Variants in ANKRD30B observed in about 807,000 individuals in gnomAD.
ANKRD30B encodes ankyrin repeat domain 30B, also known as ankyrin repeat domain-containing protein 30B.
ANKRD30B carries 144 observed loss-of-function variants against 202.2 expected under a neutral mutation model. The ratio of observed to expected loss-of-function variants is 0.71; its 90% CI spans 0.62 to 0.82. The LOEUF (loss-of-function observed/expected upper bound fraction) is 0.82. Among genes scored for constraint, ANKRD30B ranks in the 40% least tolerant of loss-of-function variants. The pLI is 0.00. For synonymous variants in ANKRD30B, 508 were observed against 561.3 expected (o/e 0.91, Z 1.34); for missense variants, 1,487 against 1,669.1 (o/e 0.89, Z 1.90).
At chr18:14,759,380 T>C (rs1166290235) in intron 5 of ANKRD30B, 3 of 152,340 alleles carry the variant, frequency 2.0e-5, no homozygotes, top group East Asian at 1.9e-4. Context: ...AGGATTGCAC[T>C]TGTGATTTTC....
At chr18:14,893,170 T>A in the ANKRD30B span, among the ~76,000 whole-genome samples, 1 of 151,908 alleles carries the variant, frequency 6.6e-6, no homozygotes, top group Non-Finnish European at 1.5e-5. Context: ...TTATCAACCC[T>A]ATTTTCTAGT....
At chr18:14,911,422 A>G in the ANKRD30B span, among the ~76,000 whole-genome samples, 1 of 152,160 alleles carries the variant, frequency 6.6e-6, no homozygotes, top group African/African-American at 2.4e-5. Context: ...TTTGTCAAAG[A>G]TAATTTGATT....
the ANKRD30B span, among the ~76,000 whole-genome samples, chr18:14,899,936 C>T: frequency 7.9e-5 from 12 of 152,048 alleles, no homozygotes; most frequent in Admixed American, 2.0e-4. Context: ...CATTAAATGA[C>T]GAACGGATGA....
chr18:14,869,257 A>G, the ANKRD30B span, among the ~76,000 whole-genome samples: 1 of 152,080 alleles, frequency 6.6e-6, no homozygotes, highest in Non-Finnish European at 1.5e-5. Context: ...GCATTGCCAC[A>G]AAACAATTTC....
At chr18:14,856,371 A>G (rs1455002174), downstream of ANKRD30B, among the ~76,000 whole-genome samples, 10 of 120,158 alleles carry the variant, frequency 8.3e-5, no homozygotes, top group Admixed American at 1.6e-4. Flanking sequence ...GGCGCTCCTC[A>G]CCTCCCAGAT....
the ANKRD30B span, among the ~76,000 whole-genome samples, chr18:14,886,603 A>T: frequency 6.6e-6 from 1 of 152,094 alleles, no homozygotes; most frequent in Non-Finnish European, 1.5e-5. Context: ...ATATGTATAT[A>T]CACTATTTCT....
the ANKRD30B span, among the ~76,000 whole-genome samples, chr18:14,872,548 G>A: frequency 7.2e-5 from 11 of 152,228 alleles, no homozygotes; most frequent in Admixed American, 2.0e-4. Flanking sequence ...TCAATGCAGC[G>A]TGGTCCTTTC....
intron 16 of ANKRD30B, among the ~76,000 whole-genome samples, chr18:14,793,632 C>T (rs1377140860): frequency 1.3e-5 from 2 of 152,090 alleles, no homozygotes; most frequent in Non-Finnish European, 2.9e-5. Context: ...TGGTGACTCA[C>T]GCCTGTAATC....
intron 30 of ANKRD30B, among the ~76,000 whole-genome samples, chr18:14,822,263 C>G (rs1269829535): frequency 3.9e-5 from 6 of 151,958 alleles, no homozygotes; most frequent in Non-Finnish European, 7.4e-5. Flanking sequence ...TTGAAATCTT[C>G]ACAGCATGTT....
intron 24 of ANKRD30B, among the ~76,000 whole-genome samples, chr18:14,805,791 C>T (rs1969472525): frequency 6.7e-6 from 1 of 150,344 alleles, no homozygotes; most frequent in South Asian, 2.1e-4. Context: ...GATCACTTAT[C>T]TCCTCATCAC....
intron 24 of ANKRD30B, among the ~76,000 whole-genome samples, chr18:14,806,865 A>G (rs9748452): frequency 0.57 from 86,076 of 149,720 alleles, 26,554 homozygotes; most frequent in African/African-American, 0.7. Flanking sequence ...CAAGCAGATG[A>G]ATTAATGGTA....
intron 39 of ANKRD30B, among the ~76,000 whole-genome samples, chr18:14,845,317 C>T (rs1190605897): frequency 6.6e-6 from 1 of 152,298 alleles, no homozygotes; most frequent in Non-Finnish European, 1.5e-5. Flanking sequence ...TATGGCCAGC[C>T]AGTTTTCCCA....
the ANKRD30B span, among the ~76,000 whole-genome samples, chr18:14,908,460 A>G: frequency 2.5e-3 from 377 of 151,622 alleles, no homozygotes; most frequent in Non-Finnish European, 4.4e-3. Context: ...AACATCTCCT[A>G]ATTCTTGGAG....
At chr18:14,892,718 C>T in the ANKRD30B span, among the ~76,000 whole-genome samples, 1 of 117,510 alleles carries the variant, frequency 8.5e-6, no homozygotes, top group South Asian at 2.8e-4. Context: ...CTAGCCTAGG[C>T]AACAGAGTGA....
chr18:14,809,589 A>G (rs1348324798), intron 26 of ANKRD30B, among the ~76,000 whole-genome samples: 2 of 150,750 alleles, frequency 1.3e-5, no homozygotes, highest in African/African-American at 4.9e-5. Flanking sequence ...CCATTCCCAG[A>G]GCTATGAACA....
intron 14 of ANKRD30B, among the ~76,000 whole-genome samples, chr18:14,785,024 G>T (rs1445986061): frequency 6.6e-6 from 1 of 152,134 alleles, no homozygotes; most frequent in East Asian, 1.9e-4. Context: ...TTGTGTGTGT[G>T]TGTGTCTGCG....
rs554266284 is a variant in ANKRD30B at position 14,809,249 on chromosome 18, C to T, written c.2386+505C>T. On this transcript the variant is annotated intron_variant, in intron 26 of 43. Coordinates refer to ENST00000690538, the MANE Select transcript of ANKRD30B (RefSeq NM_001367607.2). Reference sequence around the variant, plus strand: ...AACATCTGTATGCAGAAATACAGTACACAGGGATAAGAATTTACAATATAG... The same window carrying T: ...AACATCTGTATGCAGAAATACAGTATACAGGGATAAGAATTTACAATATAG... Among the ~76,000 whole-genome samples the T allele has an allele frequency of 5.8e-4, 87 of 151,052 alleles. 6 individuals are homozygous for T. The highest frequency in any genetic ancestry group is 2.1e-3 in the African/African-American group (85 of 40,922).
Position 14,780,038 on chromosome 18 carries a change from CTGT to C in ANKRD30B, c.1482+19_1482+21del. ...GATTCTGGGGTATTGTGTATTATTG[CTGT>C]TATTATTCTCTAAAAATATTAATAT... is the stretch of plus-strand genomic sequence containing the variant. On this transcript the variant is annotated intron_variant, in intron 11 of 43. Transcript: ENST00000690538. 1 of 1,438,374 alleles carries C rather than the reference CTGT, an allele frequency of 7.0e-7. No individual in the cohort carries two copies. The allele number at this position is 1,438,374 out of a possible 1,614,324, so 89.1% of individuals were successfully genotyped here.
chr18:14,797,405 T>G (rs1968982214), intron 18 of ANKRD30B, among the ~76,000 whole-genome samples: 1 of 152,196 alleles, frequency 6.6e-6, no homozygotes, highest in African/African-American at 2.4e-5. Flanking sequence ...GGCATTGTCT[T>G]TACACAATCC....
Sources: gnomAD v4.1 joint callset for allele counts (sites outside exome capture counted in the v4.1 genomes callset) on GRCh38, gnomAD v4.1.1 for gene constraint, MANE v1.5 for transcripts, NCBI Gene and HGNC (gene_info 2026-07-23, HGNC 2026-07-21) for gene names.